SMAD2: variants seen among roughly 807,000 people sequenced by gnomAD.
The protein encoded by SMAD2 is SMAD family member 2.
SMAD2 carries 8 observed loss-of-function variants against 64.4 expected under a neutral mutation model. The ratio of observed to expected loss-of-function variants is 0.12; its 90% CI spans 0.07 to 0.22. The LOEUF (loss-of-function observed/expected upper bound fraction) is 0.22. SMAD2 is among the 10% of genes least tolerant of loss of function. The probability of loss-of-function intolerance (pLI) is 1.00; values close to 1 mark genes in which losing one functional copy is unlikely to be tolerated. For synonymous variants in SMAD2, 203 were observed against 195.8 expected (o/e 1.04, Z -0.31); for missense variants, 289 against 561.2 (o/e 0.51, Z 4.90).
intron 2 of SMAD2, among the ~76,000 whole-genome samples, chr18:47,893,306 G>C (rs1230427821): frequency 6.6e-6 from 1 of 152,174 alleles, no homozygotes; most frequent in Non-Finnish European, 1.5e-5. Flanking sequence ...GGGACACAAA[G>C]CCAGGACTAT....
chr18:47,851,911 C>T (rs1324817384), intron 6 of SMAD2, among the ~76,000 whole-genome samples: 1 of 152,076 alleles, frequency 6.6e-6, no homozygotes, highest in Non-Finnish European at 1.5e-5. Context: ...CAAGAAACTG[C>T]CAGGTCGAAA....
At chr18:47,860,923 T>C (rs746407149) in intron 6 of SMAD2, among the ~76,000 whole-genome samples, 10 of 152,040 alleles carry the variant, frequency 6.6e-5, no homozygotes, top group Admixed American at 2.6e-4. Context: ...ATTAACATCA[T>C]ACTTAAAGGG....
intron 6 of SMAD2, among the ~76,000 whole-genome samples, chr18:47,863,700 A>C (rs1246012582): frequency 6.6e-6 from 1 of 152,118 alleles, no homozygotes; most frequent in Non-Finnish European, 1.5e-5. Flanking sequence ...TCATCATTTG[A>C]TGGACATCTG....
Position 47,828,077 on chromosome 18 carries a change from C to G in SMAD2, c.*13750G>C, listed in dbSNP as rs1245354378. On this transcript the variant is annotated 3_prime_UTR_variant, in exon 11 of 11. Transcript: ENST00000262160. ...GCCCCGTCTGGGATGTGAGGAGTGT[C>G]TCTGCCCGACCGCCACCCCGTCTGG... The G allele has an allele frequency of 6.0e-6, 1 of 166,280 alleles. No homozygotes were observed. The highest frequency in any genetic ancestry group is 1.3e-5 in the Non-Finnish European group (1 of 78,060). 10.3% of individuals were successfully genotyped at this position (166,280 alleles called of 1,614,324 possible). A position where few individuals can be genotyped will look rare whatever the true frequency, so the allele number is the denominator to read the frequency against.
intron 2 of SMAD2, among the ~76,000 whole-genome samples, chr18:47,881,811 T>C (rs139168362): frequency 6.6e-6 from 1 of 152,288 alleles, no homozygotes; most frequent in African/African-American, 2.4e-5. Context: ...TCAAATGCTT[T>C]TGACCAAGTG....
chr18:47,906,901 C>CATTA (rs1306424837), intron 1 of SMAD2, among the ~76,000 whole-genome samples: 1 of 152,096 alleles, frequency 6.6e-6, no homozygotes, highest in African/African-American at 2.4e-5. Flanking sequence ...GAGCTCTTGG[C>CATTA]ATTACATTTA....
chr18:47,871,038 A>G (rs1381894245), intron 2 of SMAD2, among the ~76,000 whole-genome samples: 1 of 152,218 alleles, frequency 6.6e-6, no homozygotes. Flanking sequence ...TGATATTTTT[A>G]AGTTTTACTG....
chr18:47,866,167 T>G (rs1052306278), intron 5 of SMAD2, among the ~76,000 whole-genome samples: 4 of 151,570 alleles, frequency 2.6e-5, no homozygotes, highest in Non-Finnish European at 5.9e-5. Context: ...AAACACAAAA[T>G]TAGCCGGGCA....
At chr18:47,858,288 T>C (rs1301724584) in intron 6 of SMAD2, among the ~76,000 whole-genome samples, 1 of 152,168 alleles carries the variant, frequency 6.6e-6, no homozygotes, top group Admixed American at 6.5e-5. Context: ...GGATCTGAAA[T>C]GAAAAATTCA....
At chr18:47,867,319 TTATC>T (rs2031633211) in intron 5 of SMAD2, 1 of 152,152 alleles carries the variant, frequency 6.6e-6, no homozygotes, top group Admixed American at 6.6e-5. Context: ...AAAAAAAAAC[TTATC>T]TTTCTTAGTT....
intron 1 of SMAD2, among the ~76,000 whole-genome samples, chr18:47,897,653 G>A (rs1010247131): frequency 3.3e-5 from 5 of 150,746 alleles, no homozygotes; most frequent in Non-Finnish European, 5.9e-5. Context: ...TTATTTTTTT[G>A]CTTAATTCCC....
At chr18:47,849,323 T>C (rs1006622229) in intron 7 of SMAD2, among the ~76,000 whole-genome samples, 1 of 152,076 alleles carries the variant, frequency 6.6e-6, no homozygotes, top group African/African-American at 2.4e-5. Flanking sequence ...GAAAACTATA[T>C]ATTTAGCTTC....
chr18:47,920,632 T>C (rs1282261098), intron 1 of SMAD2, among the ~76,000 whole-genome samples: 1 of 152,246 alleles, frequency 6.6e-6, no homozygotes, highest in Non-Finnish European at 1.5e-5. Flanking sequence ...GTATTTGCTA[T>C]TTTGTTCTCC....
intron 2 of SMAD2, among the ~76,000 whole-genome samples, chr18:47,889,441 A>C (rs575885992): frequency 6.6e-6 from 1 of 152,208 alleles, no homozygotes; most frequent in Admixed American, 6.5e-5. Context: ...ATACTTTAAA[A>C]AAAAAAAGGC....
intron 1 of SMAD2, among the ~76,000 whole-genome samples, chr18:47,923,031 G>A (rs775708752): frequency 1.3e-5 from 2 of 149,680 alleles, no homozygotes; most frequent in Non-Finnish European, 3.0e-5. Flanking sequence ...ATTAAATAGG[G>A]ACTGCTGTGT....
At chr18:47,845,151 C>G (rs559905707) in intron 10 of SMAD2, 189 bp downstream of exon 10, 1 of 667,980 alleles carries the variant, frequency 1.5e-6, no homozygotes, top group African/African-American at 1.8e-5. Context: ...GTTTTAATAT[C>G]TTCCATAATG....
In SMAD2 at chr18:47,838,524, TATA is replaced by T; in HGVS notation, c.*3300_*3302del. 1 of 233,074 alleles carries T rather than the reference TATA, an allele frequency of 4.3e-6. No individual in the cohort carries two copies. Among genetic ancestry groups the T allele is most frequent in the East Asian group, 6.0e-5 (1 of 16,622 alleles). 14.4% of individuals were successfully genotyped at this position (233,074 alleles called of 1,614,324 possible). On this transcript the variant is annotated 3_prime_UTR_variant, in exon 11 of 11. Coordinates refer to ENST00000262160, the MANE Select transcript of SMAD2 (RefSeq NM_005901.6). ...TACTAACTGAATGTGTATTATAAGG[TATA>T]ATCGGTATAACTGATATAGCTCAAA...
intron 1 of SMAD2, among the ~76,000 whole-genome samples, chr18:47,910,095 C>G (rs2034065564): frequency 6.6e-6 from 1 of 150,644 alleles, no homozygotes; most frequent in Non-Finnish European, 1.5e-5. Flanking sequence ...CTAGAGAAAA[C>G]AGTATCCAGA....
At chr18:47,896,452 C>G in intron 2 of SMAD2, 69 bp downstream of exon 2, 1 of 1,527,076 alleles carries the variant, frequency 6.5e-7, no homozygotes, top group Non-Finnish European at 9.1e-7. Flanking sequence ...GAAAGGAACA[C>G]AAATTCAGTA....
Sources: gnomAD v4.1 joint callset for allele counts (sites outside exome capture counted in the v4.1 genomes callset) on GRCh38, gnomAD v4.1.1 for gene constraint, MANE v1.5 for transcripts, NCBI Gene and HGNC (gene_info 2026-07-23, HGNC 2026-07-21) for gene names.